CBR4: variants seen among roughly 807,000 people sequenced by gnomAD.
CBR4 encodes the protein carbonyl reductase 4.
A neutral mutation model predicts 21.0 loss-of-function variants in CBR4; 22 were observed. The ratio of observed to expected loss-of-function variants is 1.05; its 90% CI spans 0.75 to 1.50. The LOEUF (loss-of-function observed/expected upper bound fraction) is 1.50. Among genes scored for constraint, CBR4 ranks in the 40% most tolerant of loss-of-function variants. The pLI is 0.00. For missense variants in CBR4, 302 were observed against 286.3 expected (o/e 1.05, Z -0.40); for synonymous variants, 100 against 104.4 (o/e 0.96, Z 0.26).
chr4:168,999,636 C>CAAAA (rs35396431), intron 4 of CBR4, among the ~76,000 whole-genome samples: 2 of 77,270 alleles, frequency 2.6e-5, no homozygotes, highest in Admixed American at 1.4e-4. Flanking sequence ...CCACCACTTT[C>CAAAA]AAAAAAAAAA....
chr4:168,963,078 A>G (rs1264567682), intron 2 of CBR4, among the ~76,000 whole-genome samples: 1 of 152,176 alleles, frequency 6.6e-6, no homozygotes, highest in African/African-American at 2.4e-5. Flanking sequence ...AAGTGCTAAA[A>G]CAGAATTTTA....
intron 2 of CBR4, among the ~76,000 whole-genome samples, chr4:168,950,788 A>T (rs1763518521): frequency 6.6e-6 from 1 of 152,118 alleles, no homozygotes; most frequent in African/African-American, 2.4e-5. Flanking sequence ...GTGCATATAT[A>T]TTTAGGACTG....
chr4:169,009,195 C>T (rs1326592342), intron 1 of CBR4: 3 of 388,140 alleles, frequency 7.7e-6, no homozygotes, highest in Admixed American at 3.5e-5. Context: ...AAACAAATAG[C>T]ATCTTCGGAT....
At chr4:168,976,543 CA>C (rs896555739) in intron 2 of CBR4, among the ~76,000 whole-genome samples, 6 of 152,106 alleles carry the variant, frequency 3.9e-5, no homozygotes, top group Non-Finnish European at 8.8e-5. Context: ...TTTTTGTAGG[CA>C]GGGGGTGGAT....
At chr4:168,997,501 G>A (rs1381526250) in intron 4 of CBR4, among the ~76,000 whole-genome samples, 1 of 152,126 alleles carries the variant, frequency 6.6e-6, no homozygotes, top group Non-Finnish European at 1.5e-5. Flanking sequence ...TACTGAGGCA[G>A]GAGGATCGCT....
intron 1 of CBR4, chr4:169,008,878 T>C (rs747314481): frequency 1.4e-5 from 6 of 421,252 alleles, no homozygotes; most frequent in African/African-American, 2.1e-5. Context: ...GAGAGCCCAA[T>C]AGTCTCCCAA....
At chr4:168,899,461 G>A (rs1435510155) in intron 2 of CBR4, among the ~76,000 whole-genome samples, 1 of 152,182 alleles carries the variant, frequency 6.6e-6, no homozygotes, top group Non-Finnish European at 1.5e-5. Context: ...GCCAAAAGCT[G>A]AGAAATGTGA....
At chr4:168,945,321 T>C (rs1386217557) in intron 2 of CBR4, among the ~76,000 whole-genome samples, 1 of 152,212 alleles carries the variant, frequency 6.6e-6, no homozygotes, top group East Asian at 1.9e-4. Context: ...AAGGTCTGAA[T>C]TTATCCACTG....
intron 2 of CBR4, among the ~76,000 whole-genome samples, chr4:168,943,243 C>A (rs759289847): frequency 3.3e-5 from 5 of 152,176 alleles, no homozygotes; most frequent in Non-Finnish European, 7.3e-5. Flanking sequence ...AAGGGTACAG[C>A]ACTGGAGAAT....
chr4:169,006,164 G>C (rs1257567885), intron 3 of CBR4, among the ~76,000 whole-genome samples: 5 of 152,062 alleles, frequency 3.3e-5, no homozygotes, highest in Non-Finnish European at 5.9e-5. Flanking sequence ...TGAAACTGCT[G>C]TAGACAATAT....
intron 2 of CBR4, among the ~76,000 whole-genome samples, chr4:168,974,088 C>T (rs1290079315): frequency 1.3e-5 from 2 of 152,254 alleles, no homozygotes; most frequent in Admixed American, 1.3e-4. Flanking sequence ...TTTAGGACTC[C>T]TTTCAGCATT....
chr4:168,922,754 T>C (rs550417126), intron 2 of CBR4, among the ~76,000 whole-genome samples: 2 of 152,358 alleles, frequency 1.3e-5, no homozygotes, highest in Non-Finnish European at 2.9e-5. Context: ...CATGCTACAA[T>C]TGATTTCATT....
At chr4:168,944,737 G>A (rs1411535232) in intron 2 of CBR4, among the ~76,000 whole-genome samples, 1 of 152,128 alleles carries the variant, frequency 6.6e-6, no homozygotes, top group Admixed American at 6.5e-5. Context: ...ATAAAGAATT[G>A]GACAAGATGA....
At chr4:168,962,216 ACT>A (rs1216711608) in intron 2 of CBR4, among the ~76,000 whole-genome samples, 17 of 151,836 alleles carry the variant, frequency 1.1e-4, no homozygotes, top group Non-Finnish European at 2.4e-4. Flanking sequence ...TTTTTTTTCT[ACT>A]CTCTCCCCTT....
intron 3 of CBR4, among the ~76,000 whole-genome samples, chr4:169,002,640 A>T (rs1416459606): frequency 6.6e-6 from 1 of 152,208 alleles, no homozygotes. Context: ...TCTCGTTTTC[A>T]CCCTAAAAAC....
rs1293470178 is a variant in CBR4, at chr4:168,946,520, T to C, written n.170-51755A>G. ...AAGATATTGAAGGCAGAAACAGATG[T>C]GGATCCACCTGTCTTTTATTAAGCT... On this transcript the variant is annotated intron_variant and non_coding_transcript_variant, in intron 2 of 3. Transcript: ENST00000509108. 2.0e-5 allele frequency among the ~76,000 whole-genome samples: 3 copies of C among 152,362 alleles called. No homozygotes were observed. In the East Asian group the frequency reaches 5.8e-4, roughly 29 times the overall value.
At chr4:168,933,128 C>T (rs969234803) in intron 2 of CBR4, among the ~76,000 whole-genome samples, 4 of 151,858 alleles carry the variant, frequency 2.6e-5, no homozygotes, top group African/African-American at 9.7e-5. Context: ...ACCGGAAAAC[C>T]ATCAATAAAA....
intron 2 of CBR4, among the ~76,000 whole-genome samples, chr4:168,977,716 C>T (rs1764414146): frequency 6.6e-6 from 1 of 152,216 alleles, no homozygotes; most frequent in Admixed American, 6.5e-5. Context: ...TAAAATTAAA[C>T]TCATGATCTC....
Position 168,988,856 on chromosome 4 carries a change from C to T in CBR4, c.*1294G>A. ...ATTACTTTGTATTTATTAGTATATC[C>T]TATTCATAATTTTGCACTGACTTTC... On this transcript the variant is annotated 3_prime_UTR_variant, in exon 5 of 5. Transcript: ENST00000306193. 9.4e-6 allele frequency: 9 copies of T among 958,834 alleles called. No individual in the cohort carries two copies. The highest frequency in any genetic ancestry group is 9.9e-6 in the Non-Finnish European group (8 of 805,748). 59.4% of individuals were successfully genotyped at this position (958,834 alleles called of 1,614,324 possible).
Sources: allele counts gnomAD v4.1 joint callset (sites outside exome capture counted in the v4.1 genomes callset), GRCh38; gene constraint gnomAD v4.1.1; transcripts MANE v1.5; gene names NCBI Gene and HGNC (gene_info 2026-07-23, HGNC 2026-07-21).